Variants in EPHA6 observed in about 807,000 individuals in gnomAD.
EPHA6 encodes the protein EPH receptor A6.
Under a neutral mutation model 112.0 loss-of-function variants are expected in EPHA6, and 50 were observed. The observed-to-expected ratio is 0.45, with a 90% CI of 0.36 to 0.56. EPHA6 has a LOEUF of 0.56. EPHA6 is among the 20% of genes least tolerant of loss of function. The pLI is 0.00. For synonymous variants in EPHA6, 529 were observed against 490.7 expected (o/e 1.08, Z -1.03); for missense variants, 1,280 against 1,417.4 (o/e 0.90, Z 1.56).
chr3:96,887,704 C>T (rs1002230684), intron 2 of EPHA6, among the ~76,000 whole-genome samples: 1 of 152,060 alleles, frequency 6.6e-6, no homozygotes, highest in Admixed American at 6.5e-5. Context: ...TAGGGAAGGA[C>T]CATCAGGTCA....
At chr3:97,328,154 C>T (rs1426482128) in intron 5 of EPHA6, among the ~76,000 whole-genome samples, 5 of 148,408 alleles carry the variant, frequency 3.4e-5, no homozygotes, top group Non-Finnish European at 5.9e-5. Flanking sequence ...AAAAAAACAG[C>T]TATGTACATT....
chr3:97,385,619 G>A lies in EPHA6; in HGVS notation c.1607-19531G>A, dbSNP rs545687996. 2.0e-3 allele frequency among the ~76,000 whole-genome samples: 298 copies of A among 152,210 alleles called. 1 individual carries two copies. The highest frequency in any genetic ancestry group is 7.0e-3 in the African/African-American group (292 of 41,530). ...AATATTTCTTTATCTAAGTGTGTTA[G>A]TCCATTCTCAAACTACTATAAAGAC... On this transcript the variant is annotated intron_variant, in intron 5 of 17. Transcript: ENST00000389672.
At chr3:97,177,647 A>G (rs761206572) in intron 3 of EPHA6, among the ~76,000 whole-genome samples, 2 of 151,870 alleles carry the variant, frequency 1.3e-5, no homozygotes, top group Non-Finnish European at 2.9e-5. Context: ...TTTGGTTCAT[A>G]TATATTTACA....
chr3:97,411,787 C>T (rs925389227), intron 6 of EPHA6, among the ~76,000 whole-genome samples: 2 of 151,944 alleles, frequency 1.3e-5, no homozygotes, highest in Admixed American at 6.6e-5. Context: ...AACAGAGAAA[C>T]CTATGTATTT....
At chr3:97,344,659 C>A (rs1577042065) in intron 5 of EPHA6, among the ~76,000 whole-genome samples, 1 of 152,308 alleles carries the variant, frequency 6.6e-6, no homozygotes, top group South Asian at 2.1e-4. Flanking sequence ...AGTTTGTATT[C>A]ATATTTGCTG....
At chr3:97,009,755 T>C (rs1472196757) in intron 3 of EPHA6, among the ~76,000 whole-genome samples, 1 of 152,210 alleles carries the variant, frequency 6.6e-6, no homozygotes, top group Non-Finnish European at 1.5e-5. Context: ...TTTCGATCCA[T>C]GGGTTGCACA....
intron 6 of EPHA6, among the ~76,000 whole-genome samples, chr3:97,437,695 G>T (rs2089923262): frequency 6.6e-6 from 1 of 151,958 alleles, no homozygotes; most frequent in South Asian, 2.1e-4. Flanking sequence ...TAGAAACGGG[G>T]TCTCACTATA....
At chr3:96,851,199 A>T (rs1204925508) in intron 1 of EPHA6, among the ~76,000 whole-genome samples, 1 of 152,148 alleles carries the variant, frequency 6.6e-6, no homozygotes, top group Non-Finnish European at 1.5e-5. Context: ...TAATCTTTCC[A>T]GGGTTCCCTA....
chr3:97,613,918 A>G (rs1307340650), intron 13 of EPHA6, among the ~76,000 whole-genome samples: 1 of 152,182 alleles, frequency 6.6e-6, no homozygotes, highest in Non-Finnish European at 1.5e-5. Flanking sequence ...CATTATCCCC[A>G]TACAGGCTTT....
chr3:96,898,755 C>T (rs888683489), intron 2 of EPHA6, among the ~76,000 whole-genome samples: 6 of 151,930 alleles, frequency 3.9e-5, no homozygotes, highest in South Asian at 2.1e-4. Flanking sequence ...TTTGGCCGGG[C>T]GCGGTGGCTC....
chr3:97,428,008 A>G (rs2089266616), intron 6 of EPHA6, among the ~76,000 whole-genome samples: 1 of 152,128 alleles, frequency 6.6e-6, no homozygotes, highest in Non-Finnish European at 1.5e-5. Context: ...CCTGCAACAC[A>G]CAATTTATGT....
At chr3:97,451,207 A>T (rs1413063476) in intron 7 of EPHA6, among the ~76,000 whole-genome samples, 2 of 151,964 alleles carry the variant, frequency 1.3e-5, no homozygotes, top group Non-Finnish European at 2.9e-5. Flanking sequence ...TCCATTGGTG[A>T]ATTCGAATCC....
intron 2 of EPHA6, among the ~76,000 whole-genome samples, chr3:96,969,901 A>G (rs1576201468): frequency 1.3e-5 from 2 of 152,144 alleles, no homozygotes; most frequent in South Asian, 4.1e-4. Context: ...AGATTTGTCT[A>G]TCAATGTACA....
In EPHA6 at chr3:97,750,240, G is replaced by GC. The variant is rs1248424843; in HGVS notation, c.*1542dup. Among the ~76,000 whole-genome samples, 1 of 151,272 alleles carries GC rather than the reference G, an allele frequency of 6.6e-6. No individual in the cohort carries two copies. Among genetic ancestry groups the GC allele is most frequent in the African/African-American group, 2.4e-5 (1 of 41,158 alleles). On this transcript the variant is annotated 3_prime_UTR_variant, in exon 18 of 18. Coordinates refer to ENST00000389672, the MANE Select transcript of EPHA6 (RefSeq NM_001080448.3). Reference sequence around the variant, plus strand: ...TTTGTTGGATCTCAGTGATAATGGTGCCCTACCTACCCTAATTCTCAAATT... The same window carrying GC: ...TTTGTTGGATCTCAGTGATAATGGTGCCCCTACCTACCCTAATTCTCAAATT...
intron 10 of EPHA6, 142 bp downstream of exon 10, chr3:97,484,201 TA>T (rs1318425423): frequency 6.0e-6 from 4 of 664,746 alleles, no homozygotes; most frequent in Non-Finnish European, 6.8e-6. Flanking sequence ...TTGTATATGT[TA>T]TTTTTTTTAA....
intron 5 of EPHA6, among the ~76,000 whole-genome samples, chr3:97,281,776 AGTT>A (rs1369857257): frequency 6.6e-6 from 1 of 152,214 alleles, no homozygotes; most frequent in Non-Finnish European, 1.5e-5. Context: ...GTACAGTAAC[AGTT>A]GTTATCCTCA....
chr3:97,355,923 A>G (rs1200819558), intron 5 of EPHA6, among the ~76,000 whole-genome samples: 2 of 152,206 alleles, frequency 1.3e-5, no homozygotes, highest in East Asian at 3.9e-4. Context: ...TAAAAACTAT[A>G]AAAAGAGACA....
At chr3:97,191,088 C>G (rs555489211) in intron 3 of EPHA6, among the ~76,000 whole-genome samples, 10 of 152,148 alleles carry the variant, frequency 6.6e-5, no homozygotes, top group Admixed American at 3.3e-4. Context: ...CTTCTGTATC[C>G]TAACTTAACT....
chr3:97,250,997 CTGGGA>C (rs1425432472), intron 5 of EPHA6, among the ~76,000 whole-genome samples: 1 of 151,788 alleles, frequency 6.6e-6, no homozygotes, highest in African/African-American at 2.4e-5. Context: ...TCCCAAGTAG[CTGGGA>C]TTACAGGTGC....
Sources: gnomAD v4.1 joint callset for allele counts (sites outside exome capture counted in the v4.1 genomes callset) on GRCh38, gnomAD v4.1.1 for gene constraint, MANE v1.5 for transcripts, NCBI Gene and HGNC (gene_info 2026-07-23, HGNC 2026-07-21) for gene names.